EXOC4: variants seen among roughly 807,000 people sequenced by gnomAD.
EXOC4 encodes exocyst complex component 4.
EXOC4 carries 71 observed loss-of-function variants against 107.2 expected under a neutral mutation model. That is an observed-to-expected ratio of 0.66 (90% CI 0.55 to 0.81). EXOC4 has a LOEUF of 0.81. Ranked by LOEUF, EXOC4 falls within the 30% of genes least tolerant of loss-of-function variation. The probability of loss-of-function intolerance (pLI) is 0.00; values close to 1 mark genes in which losing one functional copy is unlikely to be tolerated. For missense variants in EXOC4, 1,108 were observed against 1,189.6 expected, an observed-to-expected ratio of 0.93 and a Z score of 1.01; for synonymous variants, 456 against 441.2, an observed-to-expected ratio of 1.03 and a Z score of -0.42.
chr7:133,305,050 A>T (rs139911217), intron 3 of EXOC4, among the ~76,000 whole-genome samples: 218 of 151,274 alleles, frequency 1.4e-3, no homozygotes, highest in Non-Finnish European at 2.7e-3. Context: ...AATAAATGGG[A>T]TCATATCATG....
intron 17 of EXOC4, among the ~76,000 whole-genome samples, chr7:134,016,983 T>G (rs900478752): frequency 1.3e-5 from 2 of 152,216 alleles, no homozygotes; most frequent in Non-Finnish European, 2.9e-5. Context: ...CAAAGGTGAC[T>G]TGGCTTGAAA....
intron 10 of EXOC4, among the ~76,000 whole-genome samples, chr7:133,672,741 G>A (rs993347460): frequency 1.3e-5 from 2 of 152,152 alleles, no homozygotes; most frequent in African/African-American, 4.8e-5. Context: ...GACACCAAGT[G>A]AAGAAAGTGT....
At chr7:134,086,652 G>A in the EXOC4 span, among the ~76,000 whole-genome samples, 1 of 152,150 alleles carries the variant, frequency 6.6e-6, no homozygotes, top group African/African-American at 2.4e-5. Flanking sequence ...TACAGGAGAA[G>A]GGTCCTGATC....
At chr7:133,782,812 A>G (rs576288759) in intron 10 of EXOC4, among the ~76,000 whole-genome samples, 1 of 152,280 alleles carries the variant, frequency 6.6e-6, no homozygotes, top group Non-Finnish European at 1.5e-5. Context: ...GGCGAATGGT[A>G]TTGTGAGGCA....
At chr7:134,020,848 C>A (rs994321661) in intron 17 of EXOC4, among the ~76,000 whole-genome samples, 5 of 151,936 alleles carry the variant, frequency 3.3e-5, no homozygotes, top group African/African-American at 9.7e-5. Flanking sequence ...TAGCCAGGCA[C>A]GGTGGCAGGT....
intron 7 of EXOC4, among the ~76,000 whole-genome samples, chr7:133,443,493 C>T (rs568714231): frequency 6.6e-6 from 1 of 152,302 alleles, no homozygotes; most frequent in African/African-American, 2.4e-5. Context: ...TCACTTCAGT[C>T]TGGTGGTAGA....
At chr7:133,751,330 G>T (rs1795789363) in intron 10 of EXOC4, among the ~76,000 whole-genome samples, 1 of 152,120 alleles carries the variant, frequency 6.6e-6, no homozygotes, top group Admixed American at 6.5e-5. Flanking sequence ...CAAGACTTCT[G>T]CTTGAAATCT....
chr7:133,522,587 A>C (rs1449394746), intron 9 of EXOC4, among the ~76,000 whole-genome samples: 4 of 152,148 alleles, frequency 2.6e-5, no homozygotes, highest in African/African-American at 9.7e-5. Flanking sequence ...TTTTGGGCTC[A>C]TTGGGCACAA....
intron 10 of EXOC4, among the ~76,000 whole-genome samples, chr7:133,692,265 T>C (rs935186680): frequency 2.0e-5 from 3 of 152,196 alleles, no homozygotes; most frequent in African/African-American, 7.2e-5. Context: ...TGGCATACTC[T>C]CCAAATGTGA....
intron 10 of EXOC4, among the ~76,000 whole-genome samples, chr7:133,664,483 G>A (rs1793768153): frequency 6.6e-6 from 1 of 152,122 alleles, no homozygotes; most frequent in Admixed American, 6.5e-5. Context: ...CAAGACAACA[G>A]TTTTCCACCT....
chr7:134,083,360 G>A, the EXOC4 span, among the ~76,000 whole-genome samples: 2 of 152,190 alleles, frequency 1.3e-5, no homozygotes, highest in Non-Finnish European at 2.9e-5. Context: ...TCACAGAAGG[G>A]CAACTGGCTC....
chr7:133,287,944 G>T lies in EXOC4; in HGVS notation c.277-978G>T, dbSNP rs1229474611. On this transcript the variant is annotated intron_variant, in intron 2 of 17. Transcript: ENST00000253861. ...CACTGATGGACATGTCCCATGTATT[G>T]ATGAAGGTTTGGATTATACAGGTGG... Among the ~76,000 whole-genome samples the T allele has an allele frequency of 2.0e-5, 3 of 152,124 alleles. No individual in the cohort carries two copies. In the East Asian group the frequency reaches 5.8e-4, roughly 29 times the overall value.
Position 133,682,368 on chromosome 7 carries a change from G to T in EXOC4, c.1514+52227G>T, listed in dbSNP as rs139180959. ...AAAGTATATGTTATGTGCTATTCTC[G>T]TGATAGTGAATAAGTCTCACGAGAT... is the stretch of plus-strand genomic sequence containing the variant. On this transcript the variant is annotated intron_variant, in intron 10 of 17. Coordinates refer to ENST00000253861, the MANE Select transcript of EXOC4 (RefSeq NM_021807.4). Among the ~76,000 whole-genome samples the T allele has an allele frequency of 8.5e-5, 13 of 152,154 alleles. No individual in the cohort carries two copies. In the South Asian group the frequency reaches 2.7e-3, roughly 32 times the overall value.
intron 10 of EXOC4, among the ~76,000 whole-genome samples, chr7:133,644,542 T>C (rs1235860957): frequency 6.6e-6 from 1 of 152,238 alleles, no homozygotes; most frequent in Non-Finnish European, 1.5e-5. Flanking sequence ...TTGTCTTTTT[T>C]GGTCCTCATA....
chr7:133,793,915 A>T (rs905658501), intron 10 of EXOC4, among the ~76,000 whole-genome samples: 1 of 152,228 alleles, frequency 6.6e-6, no homozygotes, highest in Middle Eastern at 3.2e-3. Flanking sequence ...GACTGTATTT[A>T]TCAGGTACCT....
At chr7:133,581,386 A>G (rs1039277833) in intron 9 of EXOC4, among the ~76,000 whole-genome samples, 6 of 152,214 alleles carry the variant, frequency 3.9e-5, no homozygotes, top group Admixed American at 2.6e-4. Flanking sequence ...TAATTTCATC[A>G]TTCAGATGAT....
intron 1 of EXOC4, among the ~76,000 whole-genome samples, chr7:133,267,759 T>A (rs1347478590): frequency 6.6e-6 from 1 of 152,218 alleles, no homozygotes; most frequent in Non-Finnish European, 1.5e-5. Flanking sequence ...TATTTGTTCT[T>A]TTCTACAGAT....
intron 9 of EXOC4, among the ~76,000 whole-genome samples, chr7:133,629,692 G>A (rs1313894032): frequency 6.6e-6 from 1 of 151,000 alleles, no homozygotes; most frequent in Admixed American, 6.6e-5. Flanking sequence ...AGGCACATGC[G>A]ACCATGCCTG....
At position 133,306,024 on chromosome 7, in the gene EXOC4, C is replaced by A. The variant is rs748194544; in HGVS notation, c.619C>A (p.Arg207=). ...HRHLYIKSTS[R]VVQRNKEKGK... The stretch of plus-strand genomic sequence containing the variant: ...GCACCTGTACATCAAATCGACTAGC[C>A]GAGTTGTGCAGCGTAACAAGGAAAA... The change falls in exon 4 of 18, where the codon CGA becomes AGA. Residue 207 remains arginine, a synonymous_variant. Coordinates refer to ENST00000253861, the MANE Select transcript of EXOC4 (RefSeq NM_021807.4). 1.9e-6 allele frequency: 3 copies of A among 1,613,216 alleles called. No individual in the cohort carries two copies. The highest frequency in any genetic ancestry group is 2.5e-6 in the Non-Finnish European group (3 of 1,179,634).
Sources: gnomAD v4.1 joint callset for allele counts (sites outside exome capture counted in the v4.1 genomes callset) on GRCh38, gnomAD v4.1.1 for gene constraint, MANE v1.5 for transcripts, NCBI Gene and HGNC (gene_info 2026-07-23, HGNC 2026-07-21) for gene names.